Variants in NME6 observed in about 807,000 individuals in gnomAD.
NME6 encodes the protein NME/NM23 nucleoside diphosphate kinase 6.
NME6 carries 16 observed loss-of-function variants against 22.2 expected under a neutral mutation model. The observed-to-expected ratio is 0.72, with a 90% CI of 0.49 to 1.09. NME6 has a LOEUF of 1.09. NME6 is among the 50% of genes least tolerant of loss of function. The pLI, the probability that NME6 is intolerant of heterozygous loss-of-function variation, is 0.00. For missense variants in NME6, 229 were observed against 239.0 expected, an observed-to-expected ratio of 0.96 and a Z score of 0.28; for synonymous variants, 58 against 85.2, an observed-to-expected ratio of 0.68 and a Z score of 1.76.
chr3:48,291,460 A>G, downstream of NME6: 1 of 238,702 alleles, frequency 4.2e-6, no homozygotes, highest in Non-Finnish European at 8.5e-6. Flanking sequence ...ACTGCACTGA[A>G]GCCTCAATCT....
chr3:48,291,376 G>A, downstream of NME6: 1 of 448,772 alleles, frequency 2.2e-6, no homozygotes, highest in South Asian at 1.7e-5. Context: ...GCTCTCACAT[G>A]CTCATGTCAT....
chr3:48,293,858 G>A lies in NME6; in HGVS notation c.*779C>T, dbSNP rs2034758372. 6.6e-6 allele frequency: 1 copy of A among 152,204 alleles called. No homozygotes were observed. The allele number at this position is 152,204 out of a possible 1,614,324, so 9.4% of individuals were successfully genotyped here. ...GGAGATGAAGAAAAACACACAGAAG[G>A]AGAAAACCAAGGGTGTGGGATCAGA... On this transcript the variant is annotated 3_prime_UTR_variant, in exon 6 of 6. Coordinates refer to ENST00000442597, the MANE Select transcript of NME6 (RefSeq NM_001308426.2).
chr3:48,295,522 T>G (rs1466859945), intron 4 of NME6: 1 of 382,030 alleles, frequency 2.6e-6, no homozygotes, highest in Non-Finnish European at 4.7e-6. Flanking sequence ...CAAACCCGTG[T>G]TTCTTCAGAT....
intron 1 of NME6, among the ~76,000 whole-genome samples, chr3:48,299,565 A>G (rs1233183347): frequency 1.4e-5 from 2 of 144,064 alleles, no homozygotes; most frequent in African/African-American, 2.4e-5. Context: ...ATATGTGTGT[A>G]TGTGTGTGTG....
intron 4 of NME6, 53 bp downstream of exon 4, chr3:48,296,066 G>T: frequency 8.6e-7 from 1 of 1,156,338 alleles, no homozygotes; most frequent in Non-Finnish European, 1.3e-6. Context: ...CCATTTAGGG[G>T]CAGGGGAGAT....
Position 48,295,233 on chromosome 3 carries a change from C to T in NME6, c.236G>A (p.Gly79Glu). The change falls in exon 5 of 6, where the codon GGG becomes GAG. Residue 79 changes from glycine to glutamate, a missense_variant and splice_region_variant. Coordinates refer to ENST00000442597, the MANE Select transcript of NME6 (RefSeq NM_001308426.2). ...GGCAAGGATGTAGGCTCGGATTGGC[C>T]CGCTGTGAACAAAACAAGCACATGT... is the stretch of plus-strand genomic sequence containing the variant. ...YQRLVEFMAS[G>E]PIRAYILAHK... The T allele has an allele frequency of 3.7e-6, 6 of 1,611,842 alleles. No individual in the cohort carries two copies. The South Asian group carries it at 6.6e-5, about 18-fold the overall frequency.
intron 1 of NME6, chr3:48,301,135 G>C: frequency 1.2e-6 from 1 of 823,462 alleles, no homozygotes; most frequent in Non-Finnish European, 1.8e-6. Context: ...CGGCGGCCCA[G>C]CCCTGGTCCA....
At position 48,293,598 on chromosome 3, in the gene NME6, C is replaced by G. The variant is rs949955508; in HGVS notation, c.*1039G>C. Reference sequence around the variant, plus strand: ...ATATCTTTTATAAAAGACTTTCCACCCTATCTCCTTCACCTCCTCACCCAG... The same window carrying G: ...ATATCTTTTATAAAAGACTTTCCACGCTATCTCCTTCACCTCCTCACCCAG... On this transcript the variant is annotated 3_prime_UTR_variant, in exon 6 of 6. Coordinates refer to ENST00000442597, the MANE Select transcript of NME6 (RefSeq NM_001308426.2). 1.3e-5 allele frequency: 2 copies of G among 152,132 alleles called. No individual in the cohort carries two copies. The highest frequency in any genetic ancestry group is 1.5e-5 in the Non-Finnish European group (1 of 68,058). 9.4% of individuals were successfully genotyped at this position (152,132 alleles called of 1,614,324 possible).
At chr3:48,299,664 C>T (rs1333835215) in intron 1 of NME6, among the ~76,000 whole-genome samples, 2 of 152,080 alleles carry the variant, frequency 1.3e-5, no homozygotes, top group African/African-American at 4.8e-5. Context: ...TAGGCAGGGA[C>T]AGAGTCTAGA....
rs1054250311 is a variant in NME6 at position 48,294,024 on chromosome 3, A to C, written c.*613T>G. The C allele has an allele frequency of 6.6e-6, 1 of 152,198 alleles. No individual in the cohort carries two copies. The highest frequency in any genetic ancestry group is 2.4e-5 in the African/African-American group (1 of 41,434). 9.4% of individuals were successfully genotyped at this position (152,198 alleles called of 1,614,324 possible). Reference sequence around the variant, plus strand: ...GGAGAACACTGACTTTTATTGAGGAAGACAGGTCAAATGTTGTTTGGAGTC... The same window carrying C: ...GGAGAACACTGACTTTTATTGAGGACGACAGGTCAAATGTTGTTTGGAGTC... On this transcript the variant is annotated 3_prime_UTR_variant, in exon 6 of 6. Transcript: ENST00000442597.
rs1470157392 is a variant in NME6 at position 48,293,371 on chromosome 3, C to CA, written c.*1265dup. Reference sequence around the variant, plus strand: ...CAGATGGTGAAGGCAATTTTCAACTCAAAGGTTTCAAGGCCACCAAAAAGA... The same window carrying CA: ...CAGATGGTGAAGGCAATTTTCAACTCAAAAGGTTTCAAGGCCACCAAAAAGA... On this transcript the variant is annotated 3_prime_UTR_variant, in exon 6 of 6. Transcript: ENST00000442597. The CA allele has an allele frequency of 3.3e-5, 5 of 152,206 alleles. No homozygotes were observed. The highest frequency in any genetic ancestry group is 2.1e-4 in the South Asian group (1 of 4,828). 9.4% of individuals were successfully genotyped at this position (152,206 alleles called of 1,614,324 possible).
At chr3:48,297,685 A>G (rs2035259279) in intron 2 of NME6, 1 of 152,454 alleles carries the variant, frequency 6.6e-6, no homozygotes. Context: ...TTCTGCTGTA[A>G]TCAAAAGGGA....
rs1441872305 is a variant in NME6, at chr3:48,295,059, T to C, written c.394+16A>G. 2.5e-6 allele frequency: 4 copies of C among 1,612,018 alleles called. No individual in the cohort carries two copies. The highest frequency in any genetic ancestry group is 1.3e-5 in the African/African-American group (1 of 74,876). On this transcript the variant is annotated intron_variant, in intron 5 of 5. Coordinates refer to ENST00000442597, the MANE Select transcript of NME6 (RefSeq NM_001308426.2). ...CTAACCCCAAAATATCCTATGGCTA[T>C]GGACAGGGGACTCACCCGAACCATG...
At chr3:48,290,046 A>G (rs1282928814), downstream of NME6, among the ~76,000 whole-genome samples, 1 of 151,988 alleles carries the variant, frequency 6.6e-6, no homozygotes, top group African/African-American at 2.4e-5. Context: ...AGAGTAAACC[A>G]GAAACAAATA....
chr3:48,301,097 A>G (rs2035648124), intron 1 of NME6, among the ~76,000 whole-genome samples: 2 of 151,498 alleles, frequency 1.3e-5, no homozygotes, highest in Admixed American at 1.3e-4. Context: ...CCAGCACTCG[A>G]GGGGGCCACC....
chr3:48,298,749 G>A (rs2035394520), intron 1 of NME6, among the ~76,000 whole-genome samples: 1 of 152,224 alleles, frequency 6.6e-6, no homozygotes, highest in Non-Finnish European at 1.5e-5. Context: ...CCCCCGTGGA[G>A]TATACAATCT....
chr3:48,297,305 C>G (rs564894585), intron 2 of NME6, among the ~76,000 whole-genome samples: 9 of 152,240 alleles, frequency 5.9e-5, no homozygotes, highest in Non-Finnish European at 8.8e-5. Flanking sequence ...GTCTCACCAT[C>G]GCAGGCTGCC....
chr3:48,288,704 AG>A (rs2034283657), downstream of NME6: 1 of 152,028 alleles, frequency 6.6e-6, no homozygotes, highest in Non-Finnish European at 1.5e-5. Flanking sequence ...AAAAAAAAAA[AG>A]ATAGGAATCA....
chr3:48,294,938 C>T, intron 5 of NME6, 135 bp from the exon 6 acceptor site: 3 of 1,391,588 alleles, frequency 2.2e-6, no homozygotes, highest in South Asian at 2.6e-5. Context: ...AGTCCACAGG[C>T]CACATCTGCC....
Sources: allele counts gnomAD v4.1 joint callset (sites outside exome capture counted in the v4.1 genomes callset), GRCh38; gene constraint gnomAD v4.1.1; transcripts MANE v1.5; gene names NCBI Gene and HGNC (gene_info 2026-07-23, HGNC 2026-07-21).